TNIK: variants seen among roughly 807,000 people sequenced by gnomAD.
TNIK encodes TRAF2 and NCK interacting kinase.
TNIK carries 49 observed loss-of-function variants against 191.3 expected under a neutral mutation model. That is an observed-to-expected ratio of 0.26 (90% confidence interval 0.20 to 0.32). The LOEUF (loss-of-function observed/expected upper bound fraction) is 0.32. Ranked by LOEUF, TNIK falls within the 10% of genes least tolerant of loss-of-function variation. The pLI is 1.00. For missense variants in TNIK, 1,155 were observed against 1,702.3 expected (o/e 0.68, Z 5.66); for synonymous variants, 594 against 600.9 (o/e 0.99, Z 0.17).
intron 1 of TNIK, among the ~76,000 whole-genome samples, chr3:171,413,995 G>A (rs1469332375): frequency 2.0e-5 from 3 of 152,098 alleles, no homozygotes; most frequent in East Asian, 1.9e-4. Flanking sequence ...TTTCTCACAC[G>A]TTTTTAATCC....
At chr3:171,192,654 G>T (rs542996835) in intron 5 of TNIK, among the ~76,000 whole-genome samples, 1 of 152,266 alleles carries the variant, frequency 6.6e-6, no homozygotes, top group African/African-American at 2.4e-5. Context: ...AAGGCATATT[G>T]GGCAGAACCA....
At chr3:171,295,927 C>T (rs1415103210) in intron 2 of TNIK, among the ~76,000 whole-genome samples, 1 of 152,170 alleles carries the variant, frequency 6.6e-6, no homozygotes, top group Non-Finnish European at 1.5e-5. Flanking sequence ...GGGCCTAATG[C>T]AAGGTCGAGT....
intron 10 of TNIK, 57 bp from the exon 11 acceptor site, chr3:171,161,393 C>T (rs1733969595): frequency 6.7e-7 from 1 of 1,503,578 alleles, no homozygotes; most frequent in South Asian, 1.2e-5. Context: ...TCAGTAAAGC[C>T]CAACCCCGTC....
chr3:171,264,226 T>C (rs1232113207), intron 2 of TNIK, among the ~76,000 whole-genome samples: 1 of 151,744 alleles, frequency 6.6e-6, no homozygotes, highest in Non-Finnish European at 1.5e-5. Context: ...CACTTTTCTA[T>C]GACCCTCACT....
chr3:171,118,695 T>C (rs904905463), intron 18 of TNIK, among the ~76,000 whole-genome samples: 2 of 152,186 alleles, frequency 1.3e-5, no homozygotes, highest in African/African-American at 4.8e-5. Flanking sequence ...GGGAAAGGAT[T>C]CCCTATTTAA....
intron 2 of TNIK, among the ~76,000 whole-genome samples, chr3:171,336,817 G>A (rs1577527597): frequency 6.6e-6 from 1 of 152,206 alleles, no homozygotes; most frequent in East Asian, 1.9e-4. Context: ...GGTCAGCAAA[G>A]TGAGGTAGAA....
chr3:171,238,686 A>T (rs549911837), intron 2 of TNIK, among the ~76,000 whole-genome samples: 1 of 152,208 alleles, frequency 6.6e-6, no homozygotes, highest in African/African-American at 2.4e-5. Flanking sequence ...AAAGAATTTG[A>T]CATTTCATAG....
intron 1 of TNIK, among the ~76,000 whole-genome samples, chr3:171,432,011 T>A (rs200248590): frequency 6.6e-6 from 1 of 152,252 alleles, no homozygotes; most frequent in South Asian, 2.1e-4. Context: ...ATGCAAAACG[T>A]AATATATAAA....
At chr3:171,158,878 T>A (rs1733584811) in intron 11 of TNIK, among the ~76,000 whole-genome samples, 1 of 152,058 alleles carries the variant, frequency 6.6e-6, no homozygotes, top group Non-Finnish European at 1.5e-5. Context: ...GGAAGAACGT[T>A]CCAGGCAGAG....
intron 1 of TNIK, among the ~76,000 whole-genome samples, chr3:171,424,360 T>C (rs886758422): frequency 6.6e-6 from 1 of 152,082 alleles, no homozygotes; most frequent in Non-Finnish European, 1.5e-5. Context: ...TGTGGAGAAA[T>C]AGGAACACTT....
Position 171,061,809 on chromosome 3 carries a change from G to C in TNIK, c.*2072C>G, listed in dbSNP as rs2108289213. Reference sequence around the variant, plus strand: ...AAAGTTATTGCTGAATTTGTGGCATGGAATTTGAGAAGATAGTATTGTTCA... The same window carrying C: ...AAAGTTATTGCTGAATTTGTGGCATCGAATTTGAGAAGATAGTATTGTTCA... On this transcript the variant is annotated 3_prime_UTR_variant, in exon 33 of 33. Coordinates refer to ENST00000436636, the MANE Select transcript of TNIK (RefSeq NM_015028.4). 6.6e-6 allele frequency: 1 copy of C among 152,248 alleles called. No homozygotes were observed. The highest frequency in any genetic ancestry group is 1.9e-4 in the East Asian group (1 of 5,184). The allele number at this position is 152,248 out of a possible 1,614,324, so 9.4% of individuals were successfully genotyped here.
At chr3:171,333,313 T>C (rs7630261) in intron 2 of TNIK, among the ~76,000 whole-genome samples, 1 of 151,736 alleles carries the variant, frequency 6.6e-6, no homozygotes, top group African/African-American at 2.4e-5. Context: ...CCCAGCACTT[T>C]GGTAGGCTGA....
At chr3:171,289,721 G>C (rs534637920) in intron 2 of TNIK, among the ~76,000 whole-genome samples, 3 of 152,142 alleles carry the variant, frequency 2.0e-5, no homozygotes, top group Non-Finnish European at 4.4e-5. Flanking sequence ...GGCCAACATG[G>C]CAAAACCCCG....
chr3:171,337,641 T>C (rs1577531330), intron 2 of TNIK, among the ~76,000 whole-genome samples: 1 of 152,228 alleles, frequency 6.6e-6, no homozygotes, highest in East Asian at 1.9e-4. Flanking sequence ...ACTTCTTACC[T>C]GCTGACTGGA....
chr3:171,281,689 C>G (rs1327876933), intron 2 of TNIK, among the ~76,000 whole-genome samples: 1 of 152,236 alleles, frequency 6.6e-6, no homozygotes, highest in Non-Finnish European at 1.5e-5. Flanking sequence ...TTTGCTCTCT[C>G]TCACACAAAT....
chr3:171,126,267 T>C, intron 16 of TNIK, 116 bp from the exon 17 acceptor site: 2 of 1,313,752 alleles, frequency 1.5e-6, no homozygotes, highest in East Asian at 2.6e-5. Context: ...AATTGGACTA[T>C]AGAGAGTCTA....
intron 1 of TNIK, among the ~76,000 whole-genome samples, chr3:171,457,582 T>G (rs546441965): frequency 6.6e-6 from 1 of 152,298 alleles, no homozygotes; most frequent in East Asian, 1.9e-4. Context: ...TCTCCAAATG[T>G]GGCAAGGTGG....
intron 18 of TNIK, among the ~76,000 whole-genome samples, chr3:171,111,512 G>C (rs1725851802): frequency 6.6e-6 from 1 of 152,200 alleles, no homozygotes; most frequent in African/African-American, 2.4e-5. Context: ...AAAAGATAAT[G>C]AGTGTTGGTG....
At chr3:171,152,301 G>GA in intron 12 of TNIK, among the ~76,000 whole-genome samples, 1 of 151,530 alleles carries the variant, frequency 6.6e-6, no homozygotes, top group Non-Finnish European at 1.5e-5. Context: ...TAAAAAAAAA[G>GA]AAAAAAGGAA....
Sources: allele counts gnomAD v4.1 joint callset (sites outside exome capture counted in the v4.1 genomes callset), GRCh38; gene constraint gnomAD v4.1.1; transcripts MANE v1.5; gene names NCBI Gene and HGNC (gene_info 2026-07-23, HGNC 2026-07-21).